The following RUFY2 variants were observed in gnomAD, a reference collection of about 807,000 sequenced individuals.
RUFY2 encodes RUN and FYVE domain containing 2.
Under a neutral mutation model 94.4 loss-of-function variants are expected in RUFY2, and 49 were observed. The ratio of observed to expected loss-of-function variants is 0.52; its 90% CI spans 0.41 to 0.66. The LOEUF (loss-of-function observed/expected upper bound fraction) is 0.66, where lower values mean the gene tolerates loss of function less well. Among genes scored for constraint, RUFY2 ranks in the 30% least tolerant of loss-of-function variants. The pLI is 0.00. For missense variants in RUFY2, 541 were observed against 692.8 expected, an observed-to-expected ratio of 0.78 and a Z score of 2.46; for synonymous variants, 255 against 235.7, an observed-to-expected ratio of 1.08 and a Z score of -0.75.
intron 2 of RUFY2, among the ~76,000 whole-genome samples, chr10:68,403,805 T>G (rs1444593277): frequency 6.6e-6 from 1 of 152,006 alleles, no homozygotes; most frequent in Non-Finnish European, 1.5e-5. Flanking sequence ...TTTTTTTTTT[T>G]TTTTGAGAAA....
At chr10:68,374,685 C>CAT (rs1432877137) in intron 13 of RUFY2, among the ~76,000 whole-genome samples, 1 of 152,170 alleles carries the variant, frequency 6.6e-6, no homozygotes, top group African/African-American at 2.4e-5. Flanking sequence ...GCAACTTATA[C>CAT]ATCATACATG....
chr10:68,370,648 TCAAAA>T (rs2048205312), intron 13 of RUFY2, among the ~76,000 whole-genome samples: 1 of 151,232 alleles, frequency 6.6e-6, no homozygotes, highest in African/African-American at 2.4e-5. Context: ...AGACCCTATC[TCAAAA>T]CAAAACACAA....
At chr10:68,406,653 C>G in intron 1 of RUFY2, 1 of 1,156,846 alleles carries the variant, frequency 8.6e-7, no homozygotes, top group Non-Finnish European at 1.2e-6. Flanking sequence ...CGCACCTTGC[C>G]GGGGCCTAGA....
chr10:68,379,577 G>T (rs1486926003), intron 11 of RUFY2, 56 bp from the exon 12 acceptor site: 9 of 1,220,662 alleles, frequency 7.4e-6, no homozygotes, highest in Non-Finnish European at 1.1e-5. Flanking sequence ...GTGTTTGTGT[G>T]TGTGTGTGTG....
intron 4 of RUFY2, among the ~76,000 whole-genome samples, chr10:68,395,169 C>A (rs567805706): frequency 6.6e-6 from 1 of 151,978 alleles, no homozygotes; most frequent in South Asian, 2.1e-4. Flanking sequence ...GAAACCTCAT[C>A]TCTACTAAAA....
At chr10:68,378,412 C>A (rs549622111) in intron 12 of RUFY2, 1 of 1,250,382 alleles carries the variant, frequency 8.0e-7, no homozygotes, top group South Asian at 3.5e-5. Flanking sequence ...TGCTTGATGG[C>A]AGTGTATTAC....
rs760197935 is a variant in RUFY2, at chr10:68,393,193, T to C, written c.595A>G (p.Ile199Val). The C allele has an allele frequency of 6.4e-7, 1 of 1,557,708 alleles. No individual in the cohort carries two copies. Among genetic ancestry groups the C allele is most frequent in the East Asian group, 2.3e-5 (1 of 43,408 alleles). ...DIGNKERNVQ[I>V]AAILDQKNYV... ...TTCTTTTGGTCTAATATGGCAGCAA[T>C]TTGAACATTCCTAAATGAGGAAAAA... Residue 199 changes from isoleucine (I) to valine (V), a missense_variant, in exon 7 of 18, where the codon ATT (isoleucine) becomes GTT (valine). Physicochemically the swap from Ile to Val is conservative, Grantham distance 29. Transcript: ENST00000602465.
intron 7 of RUFY2, among the ~76,000 whole-genome samples, chr10:68,388,837 CAAA>C (rs71009052): frequency 6.8e-5 from 7 of 102,476 alleles, no homozygotes; most frequent in Admixed American, 1.1e-4. Flanking sequence ...AACCCTGTCT[CAAA>C]AAAAAAAAAA....
At chr10:68,406,343 A>G (rs1178954157) in intron 1 of RUFY2, among the ~76,000 whole-genome samples, 2 of 137,910 alleles carry the variant, frequency 1.5e-5, no homozygotes, top group Non-Finnish European at 1.6e-5. Flanking sequence ...AATTCCTTCA[A>G]ATCTGCATCG....
chr10:68,363,755 C>A, intron 14 of RUFY2, 71 bp from the exon 15 acceptor site: 1 of 1,002,286 alleles, frequency 1.0e-6, no homozygotes, highest in Admixed American at 2.9e-5. Flanking sequence ...TGTACATATA[C>A]CATTAATTAG....
chr10:68,353,187 C>T (rs1352975579), intron 16 of RUFY2, among the ~76,000 whole-genome samples: 1 of 151,300 alleles, frequency 6.6e-6, no homozygotes, highest in Non-Finnish European at 1.5e-5. Context: ...AAAAATTACC[C>T]GGGTGTGGTA....
chr10:68,401,766 A>T (rs934516167), intron 2 of RUFY2, 29 bp from the exon 3 acceptor site: 2 of 1,270,932 alleles, frequency 1.6e-6, no homozygotes, highest in Non-Finnish European at 2.3e-6. Flanking sequence ...AATGCACACA[A>T]TGTCAACATA....
intron 15 of RUFY2, among the ~76,000 whole-genome samples, chr10:68,361,333 CTTACT>C (rs889307220): frequency 6.6e-6 from 1 of 152,114 alleles, no homozygotes; most frequent in African/African-American, 2.4e-5. Flanking sequence ...ACACATATTC[CTTACT>C]TTACTATTCC....
chr10:68,351,836 C>A (rs1265815909), intron 16 of RUFY2, among the ~76,000 whole-genome samples: 1 of 151,048 alleles, frequency 6.6e-6, no homozygotes, highest in African/African-American at 2.4e-5. Context: ...ATGGGCAGAT[C>A]ACCTGAGGTC....
chr10:68,394,200 C>T, intron 5 of RUFY2, 64 bp from the exon 6 acceptor site: 1 of 1,520,184 alleles, frequency 6.6e-7, no homozygotes, highest in Non-Finnish European at 8.9e-7. Context: ...AGTACCTTTA[C>T]TGAATGTTAC....
At chr10:68,405,307 G>A (rs2051191488) in intron 1 of RUFY2, 1 of 121,590 alleles carries the variant, frequency 8.2e-6, no homozygotes, top group South Asian at 4.9e-4. Context: ...GCGAATCTCC[G>A]TCTCACAAAA....
intron 13 of RUFY2, among the ~76,000 whole-genome samples, chr10:68,372,295 G>A (rs1008396703): frequency 1.3e-5 from 2 of 152,114 alleles, no homozygotes; most frequent in African/African-American, 4.8e-5. Flanking sequence ...AGCTACTCAG[G>A]AGGCTGAGGT....
At chr10:68,341,940 A>C, downstream of RUFY2, 3 of 1,603,458 alleles carry the variant, frequency 1.9e-6, no homozygotes, top group Non-Finnish European at 2.6e-6. Context: ...TTATGCAGAT[A>C]TCTCCTGCTG....
At chr10:68,370,238 T>C (rs767801822) in intron 13 of RUFY2, among the ~76,000 whole-genome samples, 2 of 151,986 alleles carry the variant, frequency 1.3e-5, no homozygotes, top group African/African-American at 2.4e-5. Context: ...TGAGCCGAGA[T>C]TGCACCACTG....
Sources: allele counts gnomAD v4.1 joint callset (sites outside exome capture counted in the v4.1 genomes callset), GRCh38; gene constraint gnomAD v4.1.1; transcripts MANE v1.5; gene names NCBI Gene and HGNC (gene_info 2026-07-23, HGNC 2026-07-21).